The following ARAP2 variants were observed in gnomAD, a reference collection of about 807,000 sequenced individuals.
The protein encoded by ARAP2 is arf-GAP with Rho-GAP domain, ANK repeat and PH domain-containing protein 2.
A neutral mutation model predicts 194.5 loss-of-function variants in ARAP2; 148 were observed. The observed-to-expected ratio is 0.76, with a 90% confidence interval of 0.67 to 0.87. The LOEUF is 0.87. Ranked by LOEUF, ARAP2 falls within the 40% of genes least tolerant of loss-of-function variation. The probability of loss-of-function intolerance (pLI) is 0.00; values close to 1 mark genes in which losing one functional copy is unlikely to be tolerated. For synonymous variants in ARAP2, 695 were observed against 683.5 expected (o/e 1.02, Z -0.26); for missense variants, 2,128 against 1,989.7 (o/e 1.07, Z -1.32).
chr4:36,036,546 T>C (rs143881129), intron 5 of ARAP2, among the ~76,000 whole-genome samples: 30 of 152,244 alleles, frequency 2.0e-4, no homozygotes, highest in African/African-American at 7.0e-4. Context: ...AATATAATTA[T>C]GTTAAAATGA....
chr4:36,055,500 C>T (rs1723339747), intron 2 of ARAP2, among the ~76,000 whole-genome samples: 1 of 152,148 alleles, frequency 6.6e-6, no homozygotes, highest in Non-Finnish European at 1.5e-5. Flanking sequence ...ACTCAGCAGT[C>T]TCATAGTGTG....
intron 2 of ARAP2, among the ~76,000 whole-genome samples, chr4:36,218,805 T>C (rs1560697825): frequency 6.6e-6 from 1 of 152,158 alleles, no homozygotes; most frequent in Non-Finnish European, 1.5e-5. Context: ...AAAGATATAT[T>C]GTACAAGGGG....
intron 9 of ARAP2, among the ~76,000 whole-genome samples, chr4:36,168,164 C>A (rs765887890): frequency 6.6e-6 from 1 of 152,118 alleles, no homozygotes; most frequent in Non-Finnish European, 1.5e-5. Flanking sequence ...TTAGAAGTGG[C>A]CATGTGTTGT....
At chr4:36,137,545 G>A (rs1252679624) in intron 19 of ARAP2, among the ~76,000 whole-genome samples, 1 of 151,716 alleles carries the variant, frequency 6.6e-6, no homozygotes. Context: ...AGTTTTGACT[G>A]ATCCCTTAAA....
At chr4:36,133,662 C>G (rs921730372) in intron 19 of ARAP2, among the ~76,000 whole-genome samples, 4 of 151,716 alleles carry the variant, frequency 2.6e-5, no homozygotes, top group Non-Finnish European at 5.9e-5. Context: ...ACCATTGTGG[C>G]TATCACCTGT....
intron 6 of ARAP2, among the ~76,000 whole-genome samples, chr4:36,203,647 G>T (rs1744922706): frequency 6.6e-6 from 1 of 151,866 alleles, no homozygotes; most frequent in South Asian, 2.1e-4. Flanking sequence ...TCAGGAAGAA[G>T]ATTCATTTAA....
downstream of ARAP2, among the ~76,000 whole-genome samples, chr4:36,062,612 C>G (rs1724626270): frequency 6.7e-6 from 1 of 149,618 alleles, no homozygotes; most frequent in Non-Finnish European, 1.5e-5. Flanking sequence ...TTTCATATAC[C>G]TGGCTCGTAA....
intron 27 of ARAP2, 106 bp downstream of exon 27, chr4:36,107,459 T>A: frequency 8.4e-7 from 1 of 1,185,978 alleles, no homozygotes; most frequent in South Asian, 1.8e-5. Context: ...ATTCTGTATC[T>A]AGCTACTCGT....
intron 1 of ARAP2, among the ~76,000 whole-genome samples, chr4:36,242,903 G>A (rs372719808): frequency 5.9e-5 from 9 of 152,286 alleles, no homozygotes; most frequent in Non-Finnish European, 7.4e-5. Flanking sequence ...CCCTCTTCGT[G>A]TTAGGAACCA....
Position 36,228,797 on chromosome 4 carries a change from T to C in ARAP2, c.690A>G (p.Gly230=), listed in dbSNP as rs1750870325. The C allele has an allele frequency of 1.2e-6, 2 of 1,614,058 alleles. No homozygotes were observed. Among genetic ancestry groups the C allele is most frequent in the Non-Finnish European group, 1.7e-6 (2 of 1,180,028 alleles). ...CTTCTAATAAACCATTTGTTCCATTTCCAGAATTTGTTCCTGATGTTGAAC... is the reference window on the plus strand; with the variant it reads ...CTTCTAATAAACCATTTGTTCCATTCCCAGAATTTGTTCCTGATGTTGAAC... The part of the protein sequence containing the change: ...VGCSTSGTNS[G]NGTNGLLEGS... The change falls in exon 2 of 33, where the codon GGA becomes GGG. Residue 230 remains glycine, a synonymous_variant. Coordinates refer to ENST00000303965, the MANE Select transcript of ARAP2 (RefSeq NM_015230.4).
intron 5 of ARAP2, among the ~76,000 whole-genome samples, chr4:36,025,284 T>C (rs114933466): frequency 1.9e-3 from 286 of 152,264 alleles, no homozygotes; most frequent in African/African-American, 6.5e-3. Flanking sequence ...GCACCCACCA[T>C]ATGGATTTTA....
intron 10 of ARAP2, among the ~76,000 whole-genome samples, 171 bp from the exon 11 acceptor site, chr4:36,165,284 T>C (rs1735021546): frequency 6.6e-6 from 1 of 152,236 alleles, no homozygotes; most frequent in Admixed American, 6.5e-5. Context: ...CTTCGTCTTT[T>C]TTCCTTTTAA....
At chr4:36,007,168 ATACT>A (rs1417394526) in intron 9 of ARAP2, 1 of 152,240 alleles carries the variant, frequency 6.6e-6, no homozygotes, top group Non-Finnish European at 1.5e-5. Context: ...ATTTAGCTTG[ATACT>A]TGTAAAGGGT....
chr4:36,195,143 G>A (rs187588838), intron 6 of ARAP2, among the ~76,000 whole-genome samples: 226 of 146,612 alleles, frequency 1.5e-3, no homozygotes, highest in African/African-American at 5.1e-3. Flanking sequence ...CTCCAGCCTG[G>A]GCAACACAGT....
chr4:36,160,894 CA>C (rs1250652189), intron 12 of ARAP2, among the ~76,000 whole-genome samples: 1 of 152,054 alleles, frequency 6.6e-6, no homozygotes, highest in East Asian at 1.9e-4. Flanking sequence ...CAAATTGTAG[CA>C]AAAGTATTTT....
intron 28 of ARAP2, among the ~76,000 whole-genome samples, chr4:36,089,810 C>T (rs1184094705): frequency 6.6e-6 from 1 of 151,938 alleles, no homozygotes; most frequent in Admixed American, 6.6e-5. Flanking sequence ...TAGAAGAGCT[C>T]TTTATACTCC....
intron 27 of ARAP2, among the ~76,000 whole-genome samples, chr4:36,092,556 G>C (rs957790570): frequency 4.6e-5 from 7 of 152,182 alleles, no homozygotes; most frequent in Non-Finnish European, 1.0e-4. Flanking sequence ...GTTGCAGTGA[G>C]CTGAGACTGT....
chr4:36,136,423 G>C (rs904564144), intron 19 of ARAP2, among the ~76,000 whole-genome samples: 3 of 151,628 alleles, frequency 2.0e-5, no homozygotes, highest in African/African-American at 7.3e-5. Context: ...TAAGACCTTA[G>C]AAACCAAGTC....
At chr4:36,102,026 C>T (rs1390604840) in intron 27 of ARAP2, among the ~76,000 whole-genome samples, 1 of 151,914 alleles carries the variant, frequency 6.6e-6, no homozygotes, top group Non-Finnish European at 1.5e-5. Flanking sequence ...TTCACAAGGC[C>T]TCTTTTGCTA....
Sources: gnomAD v4.1 joint callset for allele counts (sites outside exome capture counted in the v4.1 genomes callset) on GRCh38, gnomAD v4.1.1 for gene constraint, MANE v1.5 for transcripts, NCBI Gene and HGNC (gene_info 2026-07-23, HGNC 2026-07-21) for gene names.